Variants in TNIK observed in about 807,000 individuals in gnomAD.
The protein encoded by TNIK is TRAF2 and NCK-interacting protein kinase.
Under a neutral mutation model 191.3 loss-of-function variants are expected in TNIK, and 49 were observed. That is an observed-to-expected ratio of 0.26 (90% confidence interval 0.20 to 0.32). The LOEUF (loss-of-function observed/expected upper bound fraction) is 0.32, where lower values mean the gene tolerates loss of function less well. Ranked by LOEUF, TNIK falls within the 10% of genes least tolerant of loss-of-function variation. The pLI, the probability that TNIK is intolerant of heterozygous loss-of-function variation, is 1.00. For missense variants in TNIK, 1,155 were observed against 1,702.3 expected, an observed-to-expected ratio of 0.68 and a Z score of 5.66; for synonymous variants, 594 against 600.9, an observed-to-expected ratio of 0.99 and a Z score of 0.17.
At chr3:171,119,968 GCT>G (rs1727406388) in intron 18 of TNIK, among the ~76,000 whole-genome samples, 1 of 152,130 alleles carries the variant, frequency 6.6e-6, no homozygotes, top group African/African-American at 2.4e-5. Context: ...TCTCCATAGG[GCT>G]CTTTTGGATT....
chr3:171,395,665 AG>A (rs1364593916), intron 1 of TNIK, among the ~76,000 whole-genome samples: 4 of 152,224 alleles, frequency 2.6e-5, no homozygotes, highest in African/African-American at 4.8e-5. Flanking sequence ...ACGATTAACC[AG>A]GTTTTTTAGA....
intron 2 of TNIK, among the ~76,000 whole-genome samples, chr3:171,287,692 G>C (rs1439717453): frequency 6.6e-6 from 1 of 152,070 alleles, no homozygotes; most frequent in African/African-American, 2.4e-5. Flanking sequence ...TATTTTATTC[G>C]AGATCAGTAT....
intron 26 of TNIK, 77 bp downstream of exon 26, chr3:171,084,078 C>T (rs1721030362): frequency 1.3e-5 from 18 of 1,429,584 alleles, no homozygotes; most frequent in Admixed American, 2.7e-5. Flanking sequence ...ACAAGATCCA[C>T]AGGCTTTTAA....
At chr3:171,135,295 C>T (rs1729828933) in intron 15 of TNIK, among the ~76,000 whole-genome samples, 2 of 151,302 alleles carry the variant, frequency 1.3e-5, no homozygotes, top group Non-Finnish European at 2.9e-5. Flanking sequence ...AGTTCATACA[C>T]TGCTGATGAG....
rs558314069 is a variant in TNIK, at chr3:171,422,203, C to T, written c.57+37804G>A. On this transcript the variant is annotated intron_variant, in intron 1 of 32. Transcript: ENST00000436636. ...GTTTGACTAAACCATTGGATAGATC[C>T]TTTCTCAGGAAAGATTAAGTCTCAG... Among the ~76,000 whole-genome samples the T allele has an allele frequency of 2.7e-4, 41 of 152,196 alleles. No homozygotes were observed. In the South Asian group the frequency reaches 5.4e-3, roughly 20 times the overall value.
intron 3 of TNIK, 126 bp from the exon 4 acceptor site, chr3:171,211,367 A>T (rs557182422): frequency 1.8e-6 from 2 of 1,110,310 alleles, no homozygotes; most frequent in Non-Finnish European, 2.5e-6. Flanking sequence ...CATAATTATT[A>T]CATATGAGGG....
chr3:171,188,245 T>C (rs1009600359), intron 7 of TNIK, among the ~76,000 whole-genome samples: 8 of 152,096 alleles, frequency 5.3e-5, no homozygotes, highest in South Asian at 2.1e-4. Context: ...TTCCCTCTCA[T>C]GAAAAAGAAA....
chr3:171,381,336 G>C (rs1029254321), intron 1 of TNIK, among the ~76,000 whole-genome samples: 9 of 152,118 alleles, frequency 5.9e-5, no homozygotes, highest in Non-Finnish European at 1.3e-4. Context: ...TTACTGCAAG[G>C]CCTCTCAAAG....
intron 7 of TNIK, among the ~76,000 whole-genome samples, chr3:171,182,792 G>A (rs923629830): frequency 4.6e-5 from 7 of 152,294 alleles, no homozygotes; most frequent in African/African-American, 9.6e-5. Flanking sequence ...ACAGAAGAAT[G>A]AGAGGCTGTG....
At chr3:171,444,022 A>G (rs1727170956) in intron 1 of TNIK, among the ~76,000 whole-genome samples, 1 of 152,134 alleles carries the variant, frequency 6.6e-6, no homozygotes. Flanking sequence ...TAGTTCTTCT[A>G]TGAGGGGAGG....
intron 2 of TNIK, among the ~76,000 whole-genome samples, chr3:171,302,628 A>G (rs1425066967): frequency 6.6e-6 from 1 of 152,200 alleles, no homozygotes; most frequent in Non-Finnish European, 1.5e-5. Flanking sequence ...AGTCCAGAGC[A>G]TAGGCCTTAA....
At chr3:171,375,311 G>A (rs371026023) in intron 1 of TNIK, among the ~76,000 whole-genome samples, 12 of 152,120 alleles carry the variant, frequency 7.9e-5, no homozygotes, top group South Asian at 2.1e-4. Flanking sequence ...AATTCAGTCC[G>A]CATTTTATAG....
At chr3:171,185,418 G>A (rs1358812587) in intron 7 of TNIK, among the ~76,000 whole-genome samples, 2 of 152,168 alleles carry the variant, frequency 1.3e-5, no homozygotes, top group Non-Finnish European at 2.9e-5. Flanking sequence ...ATTTTGAACA[G>A]TTTTATTAAT....
At chr3:171,443,903 A>C (rs1286220775) in intron 1 of TNIK, among the ~76,000 whole-genome samples, 2 of 151,988 alleles carry the variant, frequency 1.3e-5, no homozygotes, top group Non-Finnish European at 2.9e-5. Flanking sequence ...AGAAAACTGG[A>C]GCTATCCCTC....
chr3:171,447,568 A>C (rs1289494693), intron 1 of TNIK, among the ~76,000 whole-genome samples: 1 of 152,248 alleles, frequency 6.6e-6, no homozygotes, highest in African/African-American at 2.4e-5. Flanking sequence ...AGTCAGTCGT[A>C]AGCTCAGCCA....
In TNIK at chr3:171,347,067, G is replaced by A. The variant is rs948234302; in HGVS notation, c.123+22553C>T. 2.5e-4 allele frequency: 361 copies of A among 1,422,072 alleles called. 2 individuals carry two copies. The highest frequency in any genetic ancestry group is 1.2e-4 in the Non-Finnish European group (124 of 1,068,160). The allele number at this position is 1,422,072 out of a possible 1,614,324, so 88.1% of individuals were successfully genotyped here. ...GCAATGCCTGTGCTAGGACAGTGGT[G>A]GCAGAGACAGAAAACAGAAGAGAGA... is the stretch of plus-strand genomic sequence containing the variant. On this transcript the variant is annotated intron_variant, in intron 2 of 32. Transcript: ENST00000436636.
At chr3:171,357,600 T>C (rs1157104947) in intron 2 of TNIK, among the ~76,000 whole-genome samples, 1 of 151,242 alleles carries the variant, frequency 6.6e-6, no homozygotes, top group African/African-American at 2.4e-5. Context: ...TACTCTGTAT[T>C]GGTACTAGAG....
intron 9 of TNIK, 87 bp downstream of exon 9, chr3:171,175,165 C>T (rs1735814330): frequency 1.6e-6 from 2 of 1,252,970 alleles, no homozygotes; most frequent in Non-Finnish European, 2.3e-6. Flanking sequence ...ATTCTATCAG[C>T]AGGACCTAGG....
chr3:171,098,144 A>T (rs1337176006), intron 22 of TNIK, among the ~76,000 whole-genome samples: 1 of 152,104 alleles, frequency 6.6e-6, no homozygotes, highest in Non-Finnish European at 1.5e-5. Context: ...GAAATAAAAG[A>T]GTCATTTTAC....
Sources: gnomAD v4.1 joint callset for allele counts (sites outside exome capture counted in the v4.1 genomes callset) on GRCh38, gnomAD v4.1.1 for gene constraint, MANE v1.5 for transcripts, NCBI Gene and HGNC (gene_info 2026-07-23, HGNC 2026-07-21) for gene names.